TENM4: variants seen among roughly 807,000 people sequenced by gnomAD.
TENM4 encodes the protein teneurin-4.
Under a neutral mutation model 243.3 loss-of-function variants are expected in TENM4, and 82 were observed. That is an observed-to-expected ratio of 0.34 (90% CI 0.28 to 0.40). The LOEUF is 0.40. TENM4 is among the 10% of genes least tolerant of loss of function. The pLI is 1.00. For synonymous variants in TENM4, 1,412 were observed against 1,456.3 expected, an observed-to-expected ratio of 0.97 and a Z score of 0.69; for missense variants, 3,138 against 3,673.3, an observed-to-expected ratio of 0.85 and a Z score of 3.77.
At chr11:78,831,388 A>C (rs1188353418) in intron 12 of TENM4, among the ~76,000 whole-genome samples, 1 of 152,248 alleles carries the variant, frequency 6.6e-6, no homozygotes, top group East Asian at 1.9e-4. Flanking sequence ...ATGCTTGGTC[A>C]GTTGTGATAT....
At chr11:79,283,946 C>T (rs1335879257) in intron 2 of TENM4, among the ~76,000 whole-genome samples, 12 of 151,860 alleles carry the variant, frequency 7.9e-5, no homozygotes, top group Admixed American at 7.9e-4. Flanking sequence ...AAAATAATTC[C>T]ATTTATAATA....
At chr11:79,368,796 G>A (rs374221721) in intron 1 of TENM4, among the ~76,000 whole-genome samples, 16 of 152,154 alleles carry the variant, frequency 1.1e-4, no homozygotes, top group African/African-American at 2.2e-4. Flanking sequence ...TATCACCATC[G>A]TCATCATTGT....
intron 3 of TENM4, among the ~76,000 whole-genome samples, chr11:79,157,162 C>G (rs1407783644): frequency 2.0e-5 from 3 of 152,046 alleles, no homozygotes; most frequent in African/African-American, 7.2e-5. Context: ...GACACAGAGC[C>G]CAGGACTATA....
At chr11:79,401,279 C>A (rs771187540) in intron 1 of TENM4, among the ~76,000 whole-genome samples, 26 of 152,124 alleles carry the variant, frequency 1.7e-4, no homozygotes, top group Non-Finnish European at 2.9e-4. Flanking sequence ...AGATGAATAA[C>A]CATGATTCCT....
chr11:79,192,040 GC>G (rs902876766), intron 3 of TENM4, among the ~76,000 whole-genome samples: 3 of 149,690 alleles, frequency 2.0e-5, no homozygotes, highest in Non-Finnish European at 4.4e-5. Context: ...GAGCCCCTCT[GC>G]CCAGCCAGGA....
At chr11:78,835,578 C>T (rs998237901) in intron 12 of TENM4, among the ~76,000 whole-genome samples, 3 of 152,146 alleles carry the variant, frequency 2.0e-5, no homozygotes, top group Non-Finnish European at 2.9e-5. Flanking sequence ...CCACTGTAGG[C>T]CCTAGTCCTC....
intron 6 of TENM4, among the ~76,000 whole-genome samples, chr11:79,031,715 G>T (rs1050679203): frequency 6.6e-6 from 1 of 152,206 alleles, no homozygotes; most frequent in African/African-American, 2.4e-5. Flanking sequence ...AAAGGGGCAT[G>T]CTGGGTTGGA....
At chr11:78,746,634 G>A (rs1856058442) in intron 19 of TENM4, among the ~76,000 whole-genome samples, 1 of 152,254 alleles carries the variant, frequency 6.6e-6, no homozygotes, top group Admixed American at 6.5e-5. Flanking sequence ...TATGGTGAGG[G>A]AGAAGCAGGA....
chr11:79,095,212 T>C (rs1202206770), intron 4 of TENM4, among the ~76,000 whole-genome samples: 1 of 152,170 alleles, frequency 6.6e-6, no homozygotes, highest in East Asian at 1.9e-4. Context: ...ATGGCAACCC[T>C]TTCAGGGAGG....
chr11:78,778,730 C>T (rs1255729634), intron 16 of TENM4, 102 bp from the exon 17 acceptor site: 3 of 1,125,844 alleles, frequency 2.7e-6, no homozygotes, highest in Middle Eastern at 3.9e-4. Context: ...GGGATTGTGC[C>T]CCACGTTTGG....
chr11:79,373,311 T>A (rs1044026663), intron 1 of TENM4, among the ~76,000 whole-genome samples: 1 of 143,784 alleles, frequency 7.0e-6, no homozygotes, highest in Non-Finnish European at 1.5e-5. Flanking sequence ...GCTGGCTGGC[T>A]GGCTGGCTGG....
intron 4 of TENM4, among the ~76,000 whole-genome samples, chr11:79,111,939 T>C (rs1861517868): frequency 6.6e-6 from 1 of 151,930 alleles, no homozygotes; most frequent in African/African-American, 2.4e-5. Flanking sequence ...GGCAGAGGGA[T>C]CAACACAAAG....
At chr11:79,425,913 T>C (rs192525231) in intron 1 of TENM4, among the ~76,000 whole-genome samples, 1 of 152,172 alleles carries the variant, frequency 6.6e-6, no homozygotes, top group Admixed American at 6.5e-5. Context: ...CATTTTGACT[T>C]GAAAAGTTCT....
rs1280927799 is a variant in TENM4 at position 78,657,071 on chromosome 11, C to T, written c.*987G>A. 1.5e-5 allele frequency: 6 copies of T among 398,544 alleles called. No individual in the cohort carries two copies. The highest frequency in any genetic ancestry group is 4.1e-5 in the African/African-American group (2 of 48,628). The allele number at this position is 398,544 out of a possible 1,614,324, so 24.7% of individuals were successfully genotyped here. A position where few individuals can be genotyped will look rare whatever the true frequency, so the allele number is the denominator to read the frequency against. ...GCCTCGGAAGGCAGGCTGGTGCCCT[C>T]GCCACCACTGCCATGCCTTTGCCAT... is the stretch of plus-strand genomic sequence containing the variant. On this transcript the variant is annotated 3_prime_UTR_variant, in exon 34 of 34. Coordinates refer to ENST00000278550, the MANE Select transcript of TENM4 (RefSeq NM_001098816.3).
intron 28 of TENM4, among the ~76,000 whole-genome samples, chr11:78,688,669 G>T (rs894215433): frequency 6.6e-6 from 1 of 152,140 alleles, no homozygotes; most frequent in Non-Finnish European, 1.5e-5. Context: ...TGGTTATACA[G>T]GTTTTTCCTG....
At chr11:79,057,728 C>A (rs1217097579) in intron 6 of TENM4, among the ~76,000 whole-genome samples, 2 of 152,212 alleles carry the variant, frequency 1.3e-5, no homozygotes, top group African/African-American at 4.8e-5. Flanking sequence ...AGGTGCTCAA[C>A]AAATAGTTGT....
chr11:79,428,151 GGCCCATGCTCCCACCCACTGA>G (rs1396073101), intron 1 of TENM4, among the ~76,000 whole-genome samples: 1 of 152,160 alleles, frequency 6.6e-6, no homozygotes, highest in Non-Finnish European at 1.5e-5. Flanking sequence ...CAGGAGCTGA[GGCCCATGCTCCCACCCACTGA>G]ATCAGAACTT....
intron 6 of TENM4, among the ~76,000 whole-genome samples, chr11:78,935,105 G>A (rs1037963262): frequency 5.1e-5 from 7 of 136,714 alleles, no homozygotes; most frequent in Admixed American, 8.4e-5. Context: ...TCCGCTTCCC[G>A]GGTTCACGCC....
intron 6 of TENM4, among the ~76,000 whole-genome samples, chr11:78,941,531 G>C (rs766354848): frequency 1.4e-4 from 22 of 152,166 alleles, no homozygotes; most frequent in Non-Finnish European, 2.6e-4. Context: ...ATTCAGATGT[G>C]ACTTGGAAGC....
Sources: gnomAD v4.1 joint callset for allele counts (sites outside exome capture counted in the v4.1 genomes callset) on GRCh38, gnomAD v4.1.1 for gene constraint, MANE v1.5 for transcripts, NCBI Gene and HGNC (gene_info 2026-07-23, HGNC 2026-07-21) for gene names.